THBS4: variants seen among roughly 807,000 people sequenced by gnomAD.
The protein encoded by THBS4 is thrombospondin 4.
A neutral mutation model predicts 115.7 loss-of-function variants in THBS4; 90 were observed. The ratio of observed to expected loss-of-function variants is 0.78; its 90% CI spans 0.66 to 0.93. The LOEUF (loss-of-function observed/expected upper bound fraction) is 0.93. THBS4 is among the 40% of genes least tolerant of loss of function. The probability of loss-of-function intolerance (pLI) is 0.00; values close to 1 mark genes in which losing one functional copy is unlikely to be tolerated. For missense variants in THBS4, 1,087 were observed against 1,232.7 expected (o/e 0.88, Z 1.77); for synonymous variants, 460 against 479.3 (o/e 0.96, Z 0.53).
intron 2 of THBS4, among the ~76,000 whole-genome samples, chr5:80,006,586 T>C (rs1485145594): frequency 6.6e-6 from 1 of 152,226 alleles, no homozygotes; most frequent in Non-Finnish European, 1.5e-5. Flanking sequence ...GAACTAGGCC[T>C]CTTCCCTTTG....
At chr5:79,999,126 T>A (rs961696014) in intron 2 of THBS4, among the ~76,000 whole-genome samples, 1 of 152,206 alleles carries the variant, frequency 6.6e-6, no homozygotes, top group Admixed American at 6.5e-5. Flanking sequence ...TTTCAAAGTT[T>A]TCTTTAAGAA....
At chr5:79,994,373 C>T (rs1333302538) in intron 1 of THBS4, among the ~76,000 whole-genome samples, 1 of 152,102 alleles carries the variant, frequency 6.6e-6, no homozygotes, top group African/African-American at 2.4e-5. Context: ...ATGTAGCCTC[C>T]TGTGTAGTCC....
chr5:80,058,084 T>C, intron 3 of THBS4, 122 bp from the exon 4 acceptor site: 1 of 679,520 alleles, frequency 1.5e-6, no homozygotes, highest in Non-Finnish European at 2.5e-6. Flanking sequence ...TACAAAATTA[T>C]GTAAGATGTC....
chr5:80,080,579 C>CTTTTTTTTTTATTTTTTTTTTTTTTTTTT (rs1743445674), intron 20 of THBS4, among the ~76,000 whole-genome samples: 1 of 50,464 alleles, frequency 2.0e-5, no homozygotes, highest in Non-Finnish European at 3.5e-5. Flanking sequence ...GCGCTTGTAT[C>CTTTTTTTTTTATTTTTTTTTTTTTTTTTT]TTTTTTTTTT....
upstream of THBS4, among the ~76,000 whole-genome samples, chr5:80,030,658 C>T (rs997248606): frequency 1.3e-5 from 2 of 152,098 alleles, no homozygotes; most frequent in African/African-American, 4.8e-5. Flanking sequence ...TGAGCTACTG[C>T]GCCTGGCCTG....
At chr5:80,068,536 T>C in intron 10 of THBS4, 1 of 185,324 alleles carries the variant, frequency 5.4e-6, no homozygotes, top group Non-Finnish European at 1.1e-5. Flanking sequence ...CTAACTGTCC[T>C]CATCCTTACA....
upstream of THBS4, among the ~76,000 whole-genome samples, chr5:80,033,845 G>GT (rs1433473560): frequency 6.6e-6 from 1 of 152,168 alleles, no homozygotes; most frequent in Non-Finnish European, 1.5e-5. Flanking sequence ...CCTAATCACT[G>GT]TTTTTTAAAT....
At position 80,079,894 on chromosome 5, in the gene THBS4, T is replaced by C; in HGVS notation, c.2512-11T>C. The C allele has an allele frequency of 6.2e-7, 1 of 1,613,460 alleles. No homozygotes were observed. The highest frequency in any genetic ancestry group is 2.2e-5 in the East Asian group (1 of 44,870). On this transcript the variant is annotated splice_polypyrimidine_tract_variant and intron_variant, in intron 19 of 21. Transcript: ENST00000350881. ...GTCCTGTCCTAAAACCTTGCTTGTG[T>C]CATCATGCAGGCTGTGAAGTCTAAG... is the stretch of plus-strand genomic sequence containing the variant.
intron 2 of THBS4, among the ~76,000 whole-genome samples, chr5:80,023,046 A>G (rs1225290949): frequency 6.6e-6 from 1 of 152,216 alleles, no homozygotes; most frequent in Non-Finnish European, 1.5e-5. Context: ...TCAATTATTT[A>G]TTAAAGAAAA....
chr5:80,083,241 G>A lies in THBS4; in HGVS notation c.*100G>A, dbSNP rs1210530238. On this transcript the variant is annotated 3_prime_UTR_variant, in exon 22 of 22. Coordinates refer to ENST00000350881, the MANE Select transcript of THBS4 (RefSeq NM_003248.6). ...TTTACCAACCCAAATATATCAAAACGTTTTATGTGAATGTGGCAATAAAGG... is the reference window on the plus strand; with the variant it reads ...TTTACCAACCCAAATATATCAAAACATTTTATGTGAATGTGGCAATAAAGG... 1 of 1,042,140 alleles carries A rather than the reference G, an allele frequency of 9.6e-7. No individual in the cohort carries two copies. The highest frequency in any genetic ancestry group is 2.4e-5 in the East Asian group (1 of 41,710). 64.6% of individuals were successfully genotyped at this position (1,042,140 alleles called of 1,614,324 possible).
chr5:80,080,541 C>CTG (rs781036027), intron 20 of THBS4, among the ~76,000 whole-genome samples: 1 of 147,322 alleles, frequency 6.8e-6, no homozygotes, highest in Non-Finnish European at 1.5e-5. Flanking sequence ...TCTGTCTTCC[C>CTG]TGCTGGATCA....
chr5:80,025,171 T>C (rs1376593437), intron 2 of THBS4, among the ~76,000 whole-genome samples: 2 of 152,208 alleles, frequency 1.3e-5, no homozygotes, highest in Non-Finnish European at 2.9e-5. Context: ...TGTGGGTTTC[T>C]AGGCAGTAAA....
rs989184883 is a variant in THBS4, at chr5:80,035,947, G to A, written c.88+322G>A. 1 of 1,040,834 alleles carries A rather than the reference G, an allele frequency of 9.6e-7. No individual in the cohort carries two copies. Among genetic ancestry groups the A allele is most frequent in the Non-Finnish European group, 1.2e-6 (1 of 859,142 alleles). The allele number at this position is 1,040,834 out of a possible 1,614,324, so 64.5% of individuals were successfully genotyped here. On this transcript the variant is annotated intron_variant, in intron 1 of 21. Transcript: ENST00000350881. This position sits in a 1 kb window ranked among gnomAD's most constrained non-coding sequence, Gnocchi z 4.6. The stretch of plus-strand genomic sequence containing the variant: ...ACCTCTTAACATGTTAGGCTCTGGT[G>A]TAGGGTGAATTCCGGGTCCTGCACC...
intron 2 of THBS4, among the ~76,000 whole-genome samples, chr5:80,021,154 C>T (rs974052664): frequency 1.1e-4 from 17 of 152,088 alleles, no homozygotes; most frequent in African/African-American, 3.9e-4. Flanking sequence ...CAGTGGTTCT[C>T]GAAATATGGT....
chr5:80,040,179 T>TCAAGCTG lies in THBS4; in HGVS notation c.194_200dup (p.Thr68AlafsTer4), dbSNP rs1266580323. ...AATGATCTCTATGTGATTTCCACCT[T>TCAAGCTG]CAAGCTGCAGACTAAAAGTTCAGCC... On this transcript the variant is annotated frameshift_variant, in exon 2 of 22. Coordinates refer to ENST00000350881, the MANE Select transcript of THBS4 (RefSeq NM_003248.6). LOFTEE classifies it high-confidence loss of function. 6.2e-7 allele frequency: 1 copy of TCAAGCTG among 1,614,198 alleles called. No individual in the cohort carries two copies. Among genetic ancestry groups the TCAAGCTG allele is most frequent in the South Asian group, 1.1e-5 (1 of 91,074 alleles).
At chr5:80,061,120 C>T (rs1223032501) in intron 7 of THBS4, among the ~76,000 whole-genome samples, 2 of 152,160 alleles carry the variant, frequency 1.3e-5, no homozygotes, top group Non-Finnish European at 2.9e-5. Flanking sequence ...TCTGAAAGGG[C>T]AGGAAGTGGT....
intron 2 of THBS4, among the ~76,000 whole-genome samples, chr5:80,022,557 A>G (rs1175216207): frequency 6.6e-6 from 1 of 152,210 alleles, no homozygotes; most frequent in Non-Finnish European, 1.5e-5. Flanking sequence ...CAGCATGTTC[A>G]CCTTTCAATT....
intron 2 of THBS4, among the ~76,000 whole-genome samples, chr5:80,027,045 A>C (rs1055663838): frequency 8.5e-5 from 13 of 152,296 alleles, no homozygotes; most frequent in African/African-American, 2.9e-4. Flanking sequence ...ACTAACAAAG[A>C]GGAAGACACA....
At chr5:80,028,344 C>T (rs1486090615) in intron 2 of THBS4, among the ~76,000 whole-genome samples, 1 of 152,212 alleles carries the variant, frequency 6.6e-6, no homozygotes, top group East Asian at 1.9e-4. Flanking sequence ...TCACCAGTGA[C>T]TTCCCAGTTG....
Sources: allele counts gnomAD v4.1 joint callset (sites outside exome capture counted in the v4.1 genomes callset), GRCh38; gene constraint gnomAD v4.1.1; non-coding constraint Gnocchi (gnomAD v3.1); transcripts MANE v1.5; gene names NCBI Gene and HGNC (gene_info 2026-07-23, HGNC 2026-07-21).